The following KCNQ1 variants were observed in gnomAD, a reference collection of about 807,000 sequenced individuals.
The protein encoded by KCNQ1 is potassium voltage-gated channel subfamily KQT member 1.
Under a neutral mutation model 72.4 loss-of-function variants are expected in KCNQ1, and 49 were observed. The observed-to-expected ratio is 0.68, with a 90% confidence interval of 0.54 to 0.86. The LOEUF is 0.86. Among genes scored for constraint, KCNQ1 ranks in the 40% least tolerant of loss-of-function variants. KCNQ1 has a pLI of 0.00. For missense variants in KCNQ1, 790 were observed against 945.1 expected (o/e 0.84, Z 2.15); for synonymous variants, 450 against 412.6 (o/e 1.09, Z -1.10).
intron 15 of KCNQ1, among the ~76,000 whole-genome samples, chr11:2,842,459 G>A (rs563398813): frequency 1.3e-5 from 2 of 152,352 alleles, no homozygotes; most frequent in Admixed American, 6.5e-5. Context: ...GTGATGGGTT[G>A]CAGGGGGTGC....
Position 2,602,316 on chromosome 11 carries a change from G to A in KCNQ1, c.1393+13462G>A, listed in dbSNP as rs1848819966. Among the ~76,000 whole-genome samples the A allele has an allele frequency of 6.6e-6, 1 of 151,842 alleles. No individual in the cohort carries two copies. The highest frequency in any genetic ancestry group is 1.5e-5 in the Non-Finnish European group (1 of 68,000). ...AGCGTGTCTTGTTTTAAGCCACTAA[G>A]TTTGTGGAAATGTATTACAGCAGCC... On this transcript the variant is annotated intron_variant, in intron 10 of 15. Transcript: ENST00000155840. The surrounding 1 kb of genome is among the most constrained non-coding windows in gnomAD (Gnocchi z 4.8).
Position 2,565,798 on chromosome 11 carries a change from C to A in KCNQ1, c.478-4830C>A, listed in dbSNP as rs111929015. ...TCACATGTCTTTTCTGTTGTTTCTGCGAAGGTGTCTCAGGGAGGGGCAGAA... is the reference window on the plus strand; with the variant it reads ...TCACATGTCTTTTCTGTTGTTTCTGAGAAGGTGTCTCAGGGAGGGGCAGAA... On this transcript the variant is annotated intron_variant, in intron 2 of 15. Coordinates refer to ENST00000155840, the MANE Select transcript of KCNQ1 (RefSeq NM_000218.3). This position sits in a 1 kb window ranked among gnomAD's most constrained non-coding sequence, Gnocchi z 5.6. 2.3e-3 allele frequency among the ~76,000 whole-genome samples: 352 copies of A among 152,320 alleles called. 1 individual carries two copies. Among genetic ancestry groups the A allele is most frequent in the Non-Finnish European group, 4.1e-3 (279 of 68,030 alleles).
chr11:2,813,349 G>C lies in KCNQ1; in HGVS notation c.1795-34418G>C, dbSNP rs1847532003. 6.6e-6 allele frequency among the ~76,000 whole-genome samples: 1 copy of C among 152,168 alleles called. No homozygotes were observed. Among genetic ancestry groups the C allele is most frequent in the Non-Finnish European group, 1.5e-5 (1 of 68,034 alleles). On this transcript the variant is annotated intron_variant, in intron 15 of 15. Transcript: ENST00000155840. This position sits in a 1 kb window ranked among gnomAD's most constrained non-coding sequence, Gnocchi z 4.4. The stretch of plus-strand genomic sequence containing the variant: ...CTGTGTCCTCATGCACCTCCATTCA[G>C]GGAACCTGGGCTCCCCACTCTCACA...
intron 6 of KCNQ1, among the ~76,000 whole-genome samples, chr11:2,578,144 G>C (rs536416997): frequency 9.8e-5 from 15 of 152,374 alleles, no homozygotes; most frequent in Non-Finnish European, 2.1e-4. Context: ...TGAGTGACAG[G>C]CTGGCCACGT....
At chr11:2,649,767 C>T (rs1849729295) in intron 10 of KCNQ1, 1 of 398,408 alleles carries the variant, frequency 2.5e-6, no homozygotes, top group Non-Finnish European at 4.4e-6. Flanking sequence ...AAATGTGCCT[C>T]AGAGAGGCCC....
At chr11:2,460,101 G>T (rs1025941530) in intron 1 of KCNQ1, among the ~76,000 whole-genome samples, 1 of 152,036 alleles carries the variant, frequency 6.6e-6, no homozygotes, top group Non-Finnish European at 1.5e-5. Flanking sequence ...CCCCTCACTC[G>T]AGTCCTTGCT....
At chr11:2,634,410 C>T (rs1314054251) in intron 10 of KCNQ1, 10 of 190,312 alleles carry the variant, frequency 5.3e-5, no homozygotes, top group Non-Finnish European at 6.1e-5. Flanking sequence ...TTCCCACCTA[C>T]GAGTGAGAAC....
chr11:2,770,820 G>A (rs1328834553), intron 12 of KCNQ1, among the ~76,000 whole-genome samples: 6 of 152,240 alleles, frequency 3.9e-5, no homozygotes, highest in African/African-American at 1.2e-4. Context: ...GAGCTCACTC[G>A]GGGGCAATGG....
chr11:2,652,893 G>C lies in KCNQ1; in HGVS notation c.1394-9068G>C, dbSNP rs1212220234. On this transcript the variant is annotated intron_variant, in intron 10 of 15. Transcript: ENST00000155840. The surrounding 1 kb of genome is among the most constrained non-coding windows in gnomAD (Gnocchi z 5.9). The stretch of plus-strand genomic sequence containing the variant: ...AGGAGAAGTGTTTGGGGTGTGGGGT[G>C]TGGTCCTCAGTATCCTAAACTTAGG... The C allele has an allele frequency of 7.5e-6, 3 of 398,522 alleles. No individual in the cohort carries two copies. The allele number at this position is 398,522 out of a possible 1,614,324, so 24.7% of individuals were successfully genotyped here.
At chr11:2,684,181 T>G (rs551845941) in intron 11 of KCNQ1, 1 of 398,544 alleles carries the variant, frequency 2.5e-6, no homozygotes, top group African/African-American at 2.1e-5. Flanking sequence ...AAGCGCCCAC[T>G]GGGGCTTGGT....
Position 2,796,146 on chromosome 11 carries a change from A to G in KCNQ1, c.1794+18109A>G, listed in dbSNP as rs552769479. Among the ~76,000 whole-genome samples the G allele has an allele frequency of 1.1e-4, 16 of 152,348 alleles. No homozygotes were observed. The South Asian group carries it at 3.3e-3, about 32-fold the overall frequency. ...ATGGCGCAATGCACTTCCTCCCGGC[A>G]TGCATGAAAACATAAATGTAAATAC... On this transcript the variant is annotated intron_variant, in intron 15 of 15. Coordinates refer to ENST00000155840, the MANE Select transcript of KCNQ1 (RefSeq NM_000218.3).
At position 2,581,837 on chromosome 11, in the gene KCNQ1, G is replaced by A. The variant is rs181221731; in HGVS notation, c.922-1598G>A. On this transcript the variant is annotated intron_variant, in intron 6 of 15. Transcript: ENST00000155840. ...CCGGGTGGTCCACTGAAAGGGCCTG[G>A]CAGTAAACAGCTTCCTGTGCACATT... 2.4e-4 allele frequency among the ~76,000 whole-genome samples: 37 copies of A among 152,350 alleles called. No individual in the cohort carries two copies. In the East Asian group the frequency reaches 6.8e-3, roughly 28 times the overall value.
At position 2,588,885 on chromosome 11, in the gene KCNQ1, G is replaced by A. The variant is rs78842492; in HGVS notation, c.1393+31G>A. ...AACCCCTCAGGCAGTTGGGGGCCGC[G>A]GGGCCGGGAAGGTCACTGCCTTTTT... On this transcript the variant is annotated intron_variant, in intron 10 of 15. Transcript: ENST00000155840. The surrounding 1 kb of genome is among the most constrained non-coding windows in gnomAD (Gnocchi z 5.6). The A allele has an allele frequency of 3.6e-4, 572 of 1,609,066 alleles. 1 individual carries two copies. In the African/African-American group the frequency reaches 6.6e-3, roughly 19 times the overall value.
chr11:2,790,565 C>T (rs1275328378), intron 15 of KCNQ1, among the ~76,000 whole-genome samples: 1 of 152,222 alleles, frequency 6.6e-6, no homozygotes, highest in Non-Finnish European at 1.5e-5. Context: ...AGGGCAAAAG[C>T]CTGACCTCCT....
At chr11:2,660,764 C>G in intron 10 of KCNQ1, 1 of 398,612 alleles carries the variant, frequency 2.5e-6, no homozygotes, top group South Asian at 1.3e-4. Flanking sequence ...CTGGGGGAGC[C>G]TGAATTGCTA....
chr11:2,496,515 T>TTTTTTTTTTTTTTTTTTTTTTTTC (rs1846922911), intron 1 of KCNQ1, among the ~76,000 whole-genome samples: 1 of 128,450 alleles, frequency 7.8e-6, no homozygotes, highest in Non-Finnish European at 1.6e-5. Flanking sequence ...TTTTTTTTTT[T>TTTTTTTTTTTTTTTTTTTTTTTTC]TTTTTGCTTT....
At chr11:2,622,784 G>A (rs72850242) in intron 10 of KCNQ1, 53,890 of 398,422 alleles carry the variant, frequency 0.14, 3,808 homozygotes, top group African/African-American at 0.18. Flanking sequence ...GAGATTTCCC[G>A]TATACCCACT....
At chr11:2,616,448 C>T (rs1332693896) in intron 10 of KCNQ1, 31 of 391,276 alleles carry the variant, frequency 7.9e-5, no homozygotes, top group Non-Finnish European at 1.2e-4. Context: ...AGGTTTACTT[C>T]GTTCTTCTTT....
chr11:2,519,253 A>G (rs1847338216), intron 1 of KCNQ1, among the ~76,000 whole-genome samples: 1 of 152,186 alleles, frequency 6.6e-6, no homozygotes, highest in Non-Finnish European at 1.5e-5. Flanking sequence ...CACCACCCCC[A>G]GCTCCCTTCT....
Sources: allele counts gnomAD v4.1 joint callset (sites outside exome capture counted in the v4.1 genomes callset), GRCh38; gene constraint gnomAD v4.1.1; non-coding constraint Gnocchi (gnomAD v3.1); transcripts MANE v1.5; gene names NCBI Gene and HGNC (gene_info 2026-07-23, HGNC 2026-07-21).